TTC3: variants seen among roughly 807,000 people sequenced by gnomAD.
TTC3 encodes the protein tetratricopeptide repeat domain 3, also known as E3 ubiquitin-protein ligase TTC3.
In TTC3, 180 loss-of-function variants were observed where a neutral mutation model predicts 249.6. The observed-to-expected ratio is 0.72, with a 90% CI of 0.64 to 0.82. TTC3 has a LOEUF of 0.82. Among genes scored for constraint, TTC3 ranks in the 40% least tolerant of loss-of-function variants. TTC3 has a pLI of 0.00. For missense variants in TTC3, 2,061 were observed against 2,398.4 expected (o/e 0.86, Z 2.94); for synonymous variants, 717 against 805.0 (o/e 0.89, Z 1.85).
At chr21:37,162,986 C>A (rs2080910010) in intron 31 of TTC3, among the ~76,000 whole-genome samples, 2 of 152,160 alleles carry the variant, frequency 1.3e-5, no homozygotes, top group South Asian at 4.1e-4. Flanking sequence ...AGCCTAATTA[C>A]CTCCCAAAGA....
At chr21:37,150,689 T>A in intron 24 of TTC3, 131 bp from the exon 25 acceptor site, 1 of 679,234 alleles carries the variant, frequency 1.5e-6, no homozygotes. Context: ...TTTGTCTGGG[T>A]CAGAACATCA....
chr21:37,152,859 ATATTT>A (rs1263977835), intron 26 of TTC3, 87 bp from the exon 27 acceptor site: 24 of 1,039,530 alleles, frequency 2.3e-5, no homozygotes, highest in Middle Eastern at 3.2e-4. Flanking sequence ...AATCTGAATC[ATATTT>A]TATATTATGT....
At chr21:37,079,635 G>A (rs367594382) in intron 1 of TTC3, among the ~76,000 whole-genome samples, 3 of 145,530 alleles carry the variant, frequency 2.1e-5, no homozygotes, top group Non-Finnish European at 4.5e-5. Context: ...GAGTTCAAGC[G>A]ATTCTCCTGC....
At chr21:37,129,944 C>T (rs569864834) in intron 16 of TTC3, among the ~76,000 whole-genome samples, 2 of 152,312 alleles carry the variant, frequency 1.3e-5, no homozygotes, top group East Asian at 3.9e-4. Context: ...GCCTTGCCTC[C>T]TGTCTTTATT....
intron 26 of TTC3, among the ~76,000 whole-genome samples, chr21:37,152,553 A>G (rs917733106): frequency 2.6e-5 from 4 of 151,734 alleles, no homozygotes; most frequent in Non-Finnish European, 4.4e-5. Context: ...TGCCCAGCTA[A>G]TTTTTTGTAT....
At chr21:37,157,122 A>G (rs762345274) in intron 28 of TTC3, 3 of 1,428,418 alleles carry the variant, frequency 2.1e-6, no homozygotes, top group South Asian at 1.2e-5. Context: ...AAATGTAGGT[A>G]TGTTATGCTA....
intron 42 of TTC3, among the ~76,000 whole-genome samples, chr21:37,196,606 C>T (rs2835661): frequency 0.11 from 17,446 of 152,196 alleles, 1,252 homozygotes; most frequent in Admixed American, 0.16. Context: ...CATCAGAACC[C>T]ATGACAATTT....
intron 11 of TTC3, among the ~76,000 whole-genome samples, chr21:37,109,404 A>G (rs1049330514): frequency 6.6e-6 from 1 of 152,236 alleles, no homozygotes; most frequent in African/African-American, 2.4e-5. Context: ...ACGGCACACC[A>G]GGAGATTATA....
intron 1 of TTC3, chr21:37,082,399 T>C (rs2147628776): frequency 6.5e-6 from 5 of 770,566 alleles, no homozygotes; most frequent in East Asian, 2.6e-4. Flanking sequence ...TTGGTGATCA[T>C]TGATTATGAA....
exon 46 of TTC3, chr21:37,201,747 G>A: frequency 3.6e-6 from 3 of 839,978 alleles, no homozygotes; most frequent in Non-Finnish European, 5.3e-6. Context: ...CACTCTGAGT[G>A]AATACTTTGA....
At chr21:37,162,134 A>G in intron 31 of TTC3, 71 bp downstream of exon 31, 1 of 961,756 alleles carries the variant, frequency 1.0e-6, no homozygotes, top group Non-Finnish European at 1.5e-6. Flanking sequence ...GTGTTAATTT[A>G]ATATATATAA....
At position 37,114,388 on chromosome 21, in the gene TTC3, C is replaced by A. The variant is rs546698551; in HGVS notation, c.900+5942C>A. On this transcript the variant is annotated intron_variant, in intron 11 of 45. Transcript: ENST00000355666. Reference sequence around the variant, plus strand: ...AAGTGGGCGAAGGATATGAACAGACCCTTCTCAAAAGAAGACATTTATGTA... The same window carrying A: ...AAGTGGGCGAAGGATATGAACAGACACTTCTCAAAAGAAGACATTTATGTA... Among the ~76,000 whole-genome samples the A allele has an allele frequency of 1.5e-3, 229 of 152,176 alleles. 2 individuals carry two copies. Among genetic ancestry groups the A allele is most frequent in the African/African-American group, 5.0e-3 (206 of 41,488 alleles).
intron 31 of TTC3, among the ~76,000 whole-genome samples, chr21:37,163,745 C>G (rs1281167809): frequency 6.6e-6 from 1 of 152,190 alleles, no homozygotes; most frequent in African/African-American, 2.4e-5. Flanking sequence ...GTCTTTCAGT[C>G]ATTTAACAAG....
chr21:37,166,765 ACT>A, intron 33 of TTC3, 150 bp downstream of exon 33: 1 of 1,324,882 alleles, frequency 7.5e-7, no homozygotes, highest in Non-Finnish European at 1.0e-6. Flanking sequence ...TAAAATATGA[ACT>A]CTTTTGTGAG....
intron 12 of TTC3, 76 bp downstream of exon 12, chr21:37,122,055 C>A: frequency 7.5e-7 from 1 of 1,332,148 alleles, no homozygotes; most frequent in Non-Finnish European, 1.0e-6. Context: ...CTTGGATTAA[C>A]AGAGGACCAC....
intron 10 of TTC3, chr21:37,098,193 T>G (rs1352895232): frequency 5.8e-6 from 2 of 347,796 alleles, no homozygotes; most frequent in Admixed American, 9.8e-5. Context: ...AGAATTGCAT[T>G]TATTTTGTGC....
At chr21:37,131,926 G>A (rs968937646) in intron 16 of TTC3, among the ~76,000 whole-genome samples, 1 of 152,108 alleles carries the variant, frequency 6.6e-6, no homozygotes, top group Non-Finnish European at 1.5e-5. Context: ...TTTCTGAAAT[G>A]CTTGTATCTT....
intron 18 of TTC3, among the ~76,000 whole-genome samples, chr21:37,137,090 A>C (rs952301585): frequency 2.0e-5 from 3 of 152,170 alleles, no homozygotes; most frequent in African/African-American, 7.2e-5. Context: ...GCAAAATACT[A>C]TTGCTCATTG....
exon 42 of TTC3, chr21:37,196,007 C>T (rs6579): frequency 0.48 from 778,175 of 1,613,782 alleles, 190,896 homozygotes; most frequent in African/African-American, 0.64. Context: ...TTATTGAGCA[C>T]CTGTCAGTGG....
Sources: allele counts gnomAD v4.1 joint callset (sites outside exome capture counted in the v4.1 genomes callset), GRCh38; gene constraint gnomAD v4.1.1; transcripts MANE v1.5; gene names NCBI Gene and HGNC (gene_info 2026-07-23, HGNC 2026-07-21).